The following CSMD1 variants were observed in gnomAD, a reference collection of about 807,000 sequenced individuals.
The protein encoded by CSMD1 is CUB and Sushi multiple domains 1.
In CSMD1, 213 loss-of-function variants were observed where a neutral mutation model predicts 417.5. That is an observed-to-expected ratio of 0.51 (90% confidence interval 0.46 to 0.57). The LOEUF is 0.57. CSMD1 is among the 20% of genes least tolerant of loss of function. The pLI is 0.00. For missense variants in CSMD1, 6,923 were observed against 4,529.7 expected, an observed-to-expected ratio of 1.53 and a Z score of -15.17; for synonymous variants, 2,862 against 1,736.8, an observed-to-expected ratio of 1.65 and a Z score of -16.11.
At position 3,499,218 on chromosome 8, in the gene CSMD1, G is replaced by A. The variant is rs928386572; in HGVS notation, c.1345-5492C>T. Among the ~76,000 whole-genome samples the A allele has an allele frequency of 4.7e-4, 72 of 152,192 alleles. 2 individuals are homozygous for A. The highest frequency in any genetic ancestry group is 5.9e-4 in the Admixed American group (9 of 15,284). ...GTGCTTTGGTTTGTATTCTGCATGAGTACAGTAGTGCAGTCTTCATGATAT... is the reference window on the plus strand; with the variant it reads ...GTGCTTTGGTTTGTATTCTGCATGAATACAGTAGTGCAGTCTTCATGATAT... On this transcript the variant is annotated intron_variant, in intron 10 of 69. Coordinates refer to ENST00000635120, the MANE Select transcript of CSMD1 (RefSeq NM_033225.6).
At chr8:4,052,177 G>A (rs1010167431) in intron 3 of CSMD1, among the ~76,000 whole-genome samples, 1 of 152,080 alleles carries the variant, frequency 6.6e-6, no homozygotes, top group Non-Finnish European at 1.5e-5. Flanking sequence ...CACCCACCTT[G>A]GCCTCCGAAA....
chr8:3,374,835 C>G (rs1039596662), intron 18 of CSMD1, among the ~76,000 whole-genome samples: 3 of 152,150 alleles, frequency 2.0e-5, no homozygotes, highest in Non-Finnish European at 4.4e-5. Context: ...ACCACCCGCA[C>G]CACCCCATCA....
chr8:3,565,361 G>A (rs571071110), intron 10 of CSMD1, among the ~76,000 whole-genome samples: 2 of 152,132 alleles, frequency 1.3e-5, no homozygotes, highest in Admixed American at 6.6e-5. Flanking sequence ...TCTTTGCACG[G>A]GGAAAGGTCT....
intron 5 of CSMD1, among the ~76,000 whole-genome samples, chr8:3,851,317 A>G (rs1803890682): frequency 6.6e-6 from 1 of 152,224 alleles, no homozygotes; most frequent in Non-Finnish European, 1.5e-5. Context: ...TACACACATA[A>G]AAGTGGGAAA....
intron 6 of CSMD1, among the ~76,000 whole-genome samples, chr8:3,734,356 G>A (rs1011262552): frequency 3.9e-5 from 6 of 152,166 alleles, no homozygotes; most frequent in Admixed American, 3.9e-4. Flanking sequence ...CTGTTCGACA[G>A]CATCGTAGAA....
intron 5 of CSMD1, among the ~76,000 whole-genome samples, chr8:3,941,224 T>C (rs116531798): frequency 2.7e-4 from 41 of 152,258 alleles, no homozygotes; most frequent in African/African-American, 9.4e-4. Flanking sequence ...CAAAAGTTCC[T>C]AGCAAATGTA....
intron 7 of CSMD1, among the ~76,000 whole-genome samples, chr8:3,676,833 A>T (rs974980426): frequency 6.6e-6 from 1 of 152,186 alleles, no homozygotes; most frequent in Non-Finnish European, 1.5e-5. Context: ...GGAATAAAGG[A>T]TGAGTTCATT....
intron 1 of CSMD1, among the ~76,000 whole-genome samples, chr8:4,685,500 C>T (rs146375141): frequency 6.6e-6 from 1 of 151,996 alleles, no homozygotes; most frequent in Admixed American, 6.6e-5. Context: ...GCTTAGAACT[C>T]AGGAGGCGGA....
intron 11 of CSMD1, among the ~76,000 whole-genome samples, chr8:3,480,416 G>T (rs1475811891): frequency 6.6e-6 from 1 of 151,896 alleles, no homozygotes; most frequent in South Asian, 2.1e-4. Context: ...AGGCCTGTGG[G>T]ACAAAACAAA....
At position 4,176,847 on chromosome 8, in the gene CSMD1, T is replaced by C. The variant is rs539273599; in HGVS notation, c.416-144748A>G. ...AGAGACAAAGAAGGCCATTACATAA[T>C]GGTAAAGGGATCAATTCAACAAGAA... On this transcript the variant is annotated intron_variant, in intron 3 of 69. Coordinates refer to ENST00000635120, the MANE Select transcript of CSMD1 (RefSeq NM_033225.6). 9.2e-4 allele frequency among the ~76,000 whole-genome samples: 136 copies of C among 147,974 alleles called. No individual in the cohort carries two copies. The Middle Eastern group carries it at 0.014, about 15-fold the overall frequency.
intron 1 of CSMD1, among the ~76,000 whole-genome samples, chr8:4,956,587 T>A (rs1809128372): frequency 6.6e-6 from 1 of 150,590 alleles, no homozygotes; most frequent in African/African-American, 2.4e-5. Context: ...CATGTGTATA[T>A]CATCATAACA....
intron 1 of CSMD1, among the ~76,000 whole-genome samples, chr8:4,839,185 A>G (rs1403259127): frequency 6.6e-6 from 1 of 152,168 alleles, no homozygotes; most frequent in African/African-American, 2.4e-5. Context: ...AGGTTCCAAG[A>G]AGGAAGCTCT....
At chr8:3,500,222 C>T (rs113333208) in intron 10 of CSMD1, among the ~76,000 whole-genome samples, 10 of 152,306 alleles carry the variant, frequency 6.6e-5, no homozygotes, top group African/African-American at 2.2e-4. Context: ...CCCCTAGACA[C>T]TGCACTTGAC....
At chr8:3,612,471 T>C (rs557908977) in intron 8 of CSMD1, among the ~76,000 whole-genome samples, 6 of 152,258 alleles carry the variant, frequency 3.9e-5, no homozygotes, top group Non-Finnish European at 7.4e-5. Flanking sequence ...CTGACATTTA[T>C]GGAACACTTC....
chr8:3,709,248 T>A (rs1801353762), intron 6 of CSMD1, among the ~76,000 whole-genome samples: 1 of 151,794 alleles, frequency 6.6e-6, no homozygotes, highest in African/African-American at 2.4e-5. Context: ...TATCCCACAC[T>A]TGGCTTTACT....
chr8:3,282,780 C>T (rs10109308), intron 26 of CSMD1, among the ~76,000 whole-genome samples: 109,692 of 152,022 alleles, frequency 0.72, 40,548 homozygotes, highest in Admixed American at 0.82. Context: ...CAGACTATAA[C>T]CTCAATTATA....
intron 3 of CSMD1, among the ~76,000 whole-genome samples, chr8:4,102,871 C>G (rs762629284): frequency 1.3e-5 from 2 of 152,202 alleles, no homozygotes; most frequent in Non-Finnish European, 2.9e-5. Flanking sequence ...AACCAGCGCC[C>G]TTACCTCTGC....
Position 4,848,641 on chromosome 8 carries a change from G to A in CSMD1, c.85+145691C>T, listed in dbSNP as rs190892751. 4.5e-3 allele frequency among the ~76,000 whole-genome samples: 687 copies of A among 151,946 alleles called. 4 individuals are homozygous for A. Among genetic ancestry groups the A allele is most frequent in the African/African-American group, 0.015 (607 of 41,404 alleles). ...TACAACCTCCGTCTTCTTGGTTCAA[G>A]CAATTATCCTGGCTCTGCCTCTCGA... On this transcript the variant is annotated intron_variant, in intron 1 of 69. Transcript: ENST00000635120.
chr8:4,084,269 A>T (rs1051571124), intron 3 of CSMD1, among the ~76,000 whole-genome samples: 1 of 152,210 alleles, frequency 6.6e-6, no homozygotes, highest in East Asian at 1.9e-4. Flanking sequence ...TGAAAAGACA[A>T]AAATTGGAAA....
Sources: gnomAD v4.1 joint callset for allele counts (sites outside exome capture counted in the v4.1 genomes callset) on GRCh38, gnomAD v4.1.1 for gene constraint, MANE v1.5 for transcripts, NCBI Gene and HGNC (gene_info 2026-07-23, HGNC 2026-07-21) for gene names.